The following ZDHHC20 variants were observed in gnomAD, a reference collection of about 807,000 sequenced individuals.
ZDHHC20 encodes the protein palmitoyltransferase ZDHHC20.
A neutral mutation model predicts 57.8 loss-of-function variants in ZDHHC20; 43 were observed. The observed-to-expected ratio is 0.74, with a 90% CI of 0.58 to 0.96. ZDHHC20 has a LOEUF of 0.96. Ranked by LOEUF, ZDHHC20 falls within the 40% of genes least tolerant of loss-of-function variation. ZDHHC20 has a pLI of 0.00. For missense variants in ZDHHC20, 391 were observed against 441.1 expected (o/e 0.89, Z 1.02); for synonymous variants, 157 against 153.0 (o/e 1.03, Z -0.19).
Position 21,441,960 on chromosome 13 carries a change from T to G in ZDHHC20, c.119-16282A>C, listed in dbSNP as rs571393426. On this transcript the variant is annotated intron_variant, in intron 1 of 12. Coordinates refer to ENST00000400590, the MANE Select transcript of ZDHHC20 (RefSeq NM_001330059.2). ...CCGTCAATACAATGTTACCAAGTAATAGACATAGTAGGTATCATTATTCCT... is the reference window on the plus strand; with the variant it reads ...CCGTCAATACAATGTTACCAAGTAAGAGACATAGTAGGTATCATTATTCCT... Among the ~76,000 whole-genome samples, 3 of 152,186 alleles carry G rather than the reference T, an allele frequency of 2.0e-5. No individual in the cohort carries two copies. The East Asian group carries it at 5.8e-4, about 29-fold the overall frequency.
At chr13:21,422,682 C>T (rs1202126256) in intron 2 of ZDHHC20, among the ~76,000 whole-genome samples, 1 of 152,136 alleles carries the variant, frequency 6.6e-6, no homozygotes, top group African/African-American at 2.4e-5. Flanking sequence ...ATTTTCACTG[C>T]CAGTGCATAC....
intron 2 of ZDHHC20, among the ~76,000 whole-genome samples, chr13:21,423,557 T>G (rs889832029): frequency 6.6e-6 from 1 of 151,874 alleles, no homozygotes; most frequent in Admixed American, 6.6e-5. Context: ...ACTTGTAATC[T>G]CAGCTACTTG....
At chr13:21,426,514 GA>G (rs1184489488) in intron 1 of ZDHHC20, among the ~76,000 whole-genome samples, 1 of 152,038 alleles carries the variant, frequency 6.6e-6, no homozygotes, top group African/African-American at 2.4e-5. Context: ...CTTTCAGAAT[GA>G]AGTCCAAAAT....
At chr13:21,405,686 T>TA (rs1389995890) in intron 4 of ZDHHC20, among the ~76,000 whole-genome samples, 3 of 152,202 alleles carry the variant, frequency 2.0e-5, no homozygotes, top group African/African-American at 4.8e-5. Flanking sequence ...TGACACTCTC[T>TA]AAGAAGGAAA....
At chr13:21,381,153 C>T (rs1432744080) in intron 11 of ZDHHC20, among the ~76,000 whole-genome samples, 1 of 151,874 alleles carries the variant, frequency 6.6e-6, no homozygotes, top group Non-Finnish European at 1.5e-5. Flanking sequence ...AATACAGGCG[C>T]CCGCCACCAC....
chr13:21,399,262 T>C (rs1877274357), intron 7 of ZDHHC20, among the ~76,000 whole-genome samples: 1 of 151,846 alleles, frequency 6.6e-6, no homozygotes, highest in Non-Finnish European at 1.5e-5. Flanking sequence ...GGAGAATCGC[T>C]TGAACCCAGA....
At chr13:21,443,664 T>C (rs1883400777) in intron 1 of ZDHHC20, among the ~76,000 whole-genome samples, 1 of 152,248 alleles carries the variant, frequency 6.6e-6, no homozygotes, top group South Asian at 2.1e-4. Flanking sequence ...ATCTCCTTTG[T>C]AGAGTTATTG....
rs528730875 is a variant in ZDHHC20 at position 21,446,949 on chromosome 13, T to C, written c.118+12105A>G. On this transcript the variant is annotated intron_variant, in intron 1 of 12. Transcript: ENST00000400590. ...TGAATACACAATGCCTTAAAGGCCA[T>C]GGTAAGGCTTTTAGATATCTTGCTG... Among the ~76,000 whole-genome samples, 13 of 152,138 alleles carry C rather than the reference T, an allele frequency of 8.5e-5. No homozygotes were observed. The South Asian group carries it at 2.5e-3, about 29-fold the overall frequency.
rs1871551757 is a variant in ZDHHC20, at chr13:21,373,629, G to T, written c.*3067C>A. On this transcript the variant is annotated 3_prime_UTR_variant, in exon 13 of 13. Transcript: ENST00000400590. ...GTAAACCAAGTCTCCTAATTTGTCTGTAATGGCAATGGCAAGACCTGAACT... is the reference window on the plus strand; with the variant it reads ...GTAAACCAAGTCTCCTAATTTGTCTTTAATGGCAATGGCAAGACCTGAACT... 6.6e-6 allele frequency: 1 copy of T among 152,170 alleles called. No homozygotes were observed. The highest frequency in any genetic ancestry group is 6.5e-5 in the Admixed American group (1 of 15,280). The allele number at this position is 152,170 out of a possible 1,614,324, so 9.4% of individuals were successfully genotyped here. A position where few individuals can be genotyped will look rare whatever the true frequency, so the allele number is the denominator to read the frequency against.
intron 1 of ZDHHC20, among the ~76,000 whole-genome samples, chr13:21,437,262 C>T (rs748311233): frequency 2.0e-5 from 3 of 152,146 alleles, no homozygotes; most frequent in Non-Finnish European, 2.9e-5. Context: ...AAGTACAGGA[C>T]GAAGCAGCAA....
At chr13:21,454,376 A>G (rs1293112181) in intron 1 of ZDHHC20, among the ~76,000 whole-genome samples, 1 of 152,168 alleles carries the variant, frequency 6.6e-6, no homozygotes, top group African/African-American at 2.4e-5. Context: ...AGGTTTCATC[A>G]AGCCTCCCAA....
chr13:21,397,087 T>C (rs1357264871), intron 7 of ZDHHC20, among the ~76,000 whole-genome samples: 1 of 152,218 alleles, frequency 6.6e-6, no homozygotes, highest in Non-Finnish European at 1.5e-5. Flanking sequence ...GTGATTGCTA[T>C]GTTCAATGTA....
At position 21,373,941 on chromosome 13, in the gene ZDHHC20, C is replaced by T. The variant is rs1871596838; in HGVS notation, c.*2755G>A. On this transcript the variant is annotated 3_prime_UTR_variant, in exon 13 of 13. Coordinates refer to ENST00000400590, the MANE Select transcript of ZDHHC20 (RefSeq NM_001330059.2). ...AAATCAAAGATAAGTAATTCAAAGG[C>T]TTTAACTGAAAATTTCTGAAAAGAT... is the stretch of plus-strand genomic sequence containing the variant. 6.6e-6 allele frequency: 1 copy of T among 152,216 alleles called. No individual in the cohort carries two copies. The highest frequency in any genetic ancestry group is 1.5e-5 in the Non-Finnish European group (1 of 68,094). The allele number at this position is 152,216 out of a possible 1,614,324, so 9.4% of individuals were successfully genotyped here. A position where few individuals can be genotyped will look rare whatever the true frequency, so the allele number is the denominator to read the frequency against.
chr13:21,404,340 G>C (rs1400925442), intron 4 of ZDHHC20: 1 of 498,908 alleles, frequency 2.0e-6, no homozygotes, highest in Non-Finnish European at 4.0e-6. Context: ...GACTGCATGA[G>C]GCCTAGTTCA....
chr13:21,415,716 A>G (rs1879874030), intron 3 of ZDHHC20, among the ~76,000 whole-genome samples: 1 of 152,224 alleles, frequency 6.6e-6, no homozygotes, highest in Non-Finnish European at 1.5e-5. Flanking sequence ...TCTCTTACAT[A>G]TTCATAGTAG....
intron 1 of ZDHHC20, among the ~76,000 whole-genome samples, chr13:21,428,194 G>A (rs890262403): frequency 6.6e-5 from 10 of 151,922 alleles, no homozygotes; most frequent in Non-Finnish European, 1.0e-4. Flanking sequence ...TCCTTTTTAT[G>A]GGGATCCCAA....
chr13:21,444,763 T>C (rs1191153755), intron 1 of ZDHHC20, among the ~76,000 whole-genome samples: 3 of 152,116 alleles, frequency 2.0e-5, no homozygotes, highest in Non-Finnish European at 2.9e-5. Flanking sequence ...GTCACCTGTA[T>C]AAAAATATAG....
intron 2 of ZDHHC20, among the ~76,000 whole-genome samples, chr13:21,424,495 G>C (rs978258591): frequency 4.6e-5 from 7 of 152,134 alleles, no homozygotes; most frequent in Admixed American, 4.6e-4. Flanking sequence ...GAATCACGAG[G>C]TCAGGAGATC....
At chr13:21,421,020 A>G in intron 3 of ZDHHC20, 41 bp downstream of exon 3, 1 of 1,523,860 alleles carries the variant, frequency 6.6e-7, no homozygotes, top group East Asian at 2.3e-5. Context: ...AAATTCCATA[A>G]TCAGTTAAAA....
Sources: gnomAD v4.1 joint callset for allele counts (sites outside exome capture counted in the v4.1 genomes callset) on GRCh38, gnomAD v4.1.1 for gene constraint, MANE v1.5 for transcripts, NCBI Gene and HGNC (gene_info 2026-07-23, HGNC 2026-07-21) for gene names.